PTPRD: variants seen among roughly 807,000 people sequenced by gnomAD.
PTPRD encodes the protein receptor-type tyrosine-protein phosphatase delta.
A neutral mutation model predicts 214.5 loss-of-function variants in PTPRD; 34 were observed. The ratio of observed to expected loss-of-function variants is 0.16; its 90% CI spans 0.12 to 0.21. The LOEUF (loss-of-function observed/expected upper bound fraction) is 0.21. Ranked by LOEUF, PTPRD falls within the 10% of genes least tolerant of loss-of-function variation. The pLI, the probability that PTPRD is intolerant of heterozygous loss-of-function variation, is 1.00. For missense variants in PTPRD, 2,545 were observed against 2,398.7 expected, an observed-to-expected ratio of 1.06 and a Z score of -1.27; for synonymous variants, 1,128 against 845.7, an observed-to-expected ratio of 1.33 and a Z score of -5.79.
At chr9:8,993,990 G>A (rs1242360657) in intron 11 of PTPRD, among the ~76,000 whole-genome samples, 1 of 152,070 alleles carries the variant, frequency 6.6e-6, no homozygotes, top group African/African-American at 2.4e-5. Flanking sequence ...CAATAATTTT[G>A]TGAACAAGCA....
At chr9:8,734,226 T>G (rs2098692621) in intron 11 of PTPRD, among the ~76,000 whole-genome samples, 1 of 152,234 alleles carries the variant, frequency 6.6e-6, no homozygotes, top group African/African-American at 2.4e-5. Flanking sequence ...TTTCATTCTT[T>G]GCTTATGCCA....
At chr9:8,940,858 T>C (rs55740744) in intron 11 of PTPRD, among the ~76,000 whole-genome samples, 58 of 151,608 alleles carry the variant, frequency 3.8e-4, no homozygotes, top group African/African-American at 5.3e-4. Flanking sequence ...ATGATGATGA[T>C]GTTCACAAGG....
At chr9:8,622,569 G>T (rs935496474) in intron 14 of PTPRD, among the ~76,000 whole-genome samples, 1 of 151,898 alleles carries the variant, frequency 6.6e-6, no homozygotes, top group African/African-American at 2.4e-5. Context: ...TCCCATCAGA[G>T]ATTGTAGCTT....
At chr9:8,588,998 A>C (rs1394703382) in intron 14 of PTPRD, among the ~76,000 whole-genome samples, 1 of 152,208 alleles carries the variant, frequency 6.6e-6, no homozygotes, top group Non-Finnish European at 1.5e-5. Context: ...TAAAATATAA[A>C]TAATGTGAAA....
intron 43 of PTPRD, among the ~76,000 whole-genome samples, chr9:8,337,435 C>T (rs1848045801): frequency 6.6e-6 from 1 of 151,346 alleles, no homozygotes; most frequent in South Asian, 2.1e-4. Context: ...GAACATCACA[C>T]ACTGGGGCCT....
At chr9:10,308,475 T>A (rs1357092384) in intron 3 of PTPRD, among the ~76,000 whole-genome samples, 2 of 152,134 alleles carry the variant, frequency 1.3e-5, no homozygotes, top group Non-Finnish European at 2.9e-5. Context: ...CTTTGTAGTA[T>A]ATTTTGAAGT....
At position 10,403,227 on chromosome 9, in the gene PTPRD, AATATATAT is replaced by A. The variant is rs58712564; in HGVS notation, c.-599-62218_-599-62211del. On this transcript the variant is annotated intron_variant, in intron 2 of 45. Coordinates refer to ENST00000381196, the MANE Select transcript of PTPRD (RefSeq NM_002839.4). ...TTTCTGTTATTTGTGTGTGTGTGTA[AATATATAT>A]ATATATATATATATATATATATATG... 2.5e-3 allele frequency among the ~76,000 whole-genome samples: 149 copies of A among 59,878 alleles called. 3 individuals carry two copies. The highest frequency in any genetic ancestry group is 0.019 in the South Asian group (40 of 2,118). 39.3% of individuals were successfully genotyped at this position (59,878 alleles called of 152,430 possible).
intron 2 of PTPRD, among the ~76,000 whole-genome samples, chr9:10,551,287 T>A (rs1164336049): frequency 6.6e-6 from 1 of 152,172 alleles, no homozygotes; most frequent in Non-Finnish European, 1.5e-5. Flanking sequence ...TACAGTGAGC[T>A]ATGATTATGC....
intron 3 of PTPRD, among the ~76,000 whole-genome samples, chr9:10,082,330 G>A (rs998121475): frequency 3.3e-5 from 5 of 152,054 alleles, no homozygotes; most frequent in African/African-American, 1.2e-4. Flanking sequence ...CTGTGACTTG[G>A]GGATGTCCCA....
chr9:8,482,730 T>C (rs1244554512), intron 30 of PTPRD, among the ~76,000 whole-genome samples: 1 of 152,222 alleles, frequency 6.6e-6, no homozygotes, highest in Non-Finnish European at 1.5e-5. Context: ...GGTATACCCT[T>C]GGCTCTTGTA....
chr9:8,492,876 G>A lies in PTPRD; in HGVS notation c.2453C>T (p.Ser818Phe). The A allele has an allele frequency of 6.2e-7, 1 of 1,613,376 alleles. No individual in the cohort carries two copies. The highest frequency in any genetic ancestry group is 8.5e-7 in the Non-Finnish European group (1 of 1,179,416). The change falls in exon 27 of 46, where the codon TCC becomes TTC. Residue 818 changes from serine (S) to phenylalanine (F), a missense_variant. Ser to Phe is a radical substitution (Grantham distance 155, BLOSUM62 -2). Coordinates refer to ENST00000381196, the MANE Select transcript of PTPRD (RefSeq NM_002839.4). Reference protein sequence around the residue: ...DGARSKPKLVSTTGAVPGKPR... With the variant: ...DGARSKPKLVFTTGAVPGKPR... ...GACATGATTACCTGCCCCAGTGGTG[G>A]ACACCAGTTTGGGCTTGCTGCGAGC...
At chr9:8,502,410 C>CTGGG (rs2097429824) in intron 23 of PTPRD, among the ~76,000 whole-genome samples, 1 of 151,926 alleles carries the variant, frequency 6.6e-6, no homozygotes, top group African/African-American at 2.4e-5. Flanking sequence ...CAGGTGTATC[C>CTGGG]AATTGTTCAG....
intron 14 of PTPRD, among the ~76,000 whole-genome samples, chr9:8,604,091 C>G (rs551090613): frequency 6.6e-6 from 1 of 152,276 alleles, no homozygotes; most frequent in African/African-American, 2.4e-5. Context: ...AATGAATTAA[C>G]ATTCATTGAC....
At chr9:9,019,360 G>GAAAGAAAGAAAGAA (rs879330252) in intron 10 of PTPRD, among the ~76,000 whole-genome samples, 36 of 149,720 alleles carry the variant, frequency 2.4e-4, no homozygotes, top group African/African-American at 8.8e-4. Context: ...AAGAAAGAAA[G>GAAAGAAAGAAAGAA]AATCTGAATT....
rs192790429 is a variant in PTPRD, at chr9:9,291,409, C to T, written c.-203+106040G>A. Among the ~76,000 whole-genome samples the T allele has an allele frequency of 5.2e-3, 789 of 151,476 alleles. 4 individuals are homozygous for T. The highest frequency in any genetic ancestry group is 0.014 in the South Asian group (69 of 4,824). ...ATGTCCTTGAAGAAGATGCCCCCAA[C>T]GGAGGTGCAAATAACTTTGTTCCTT... On this transcript the variant is annotated intron_variant, in intron 9 of 45. Transcript: ENST00000381196.
intron 9 of PTPRD, among the ~76,000 whole-genome samples, chr9:9,387,293 G>C (rs748308783): frequency 2.0e-5 from 3 of 152,162 alleles, no homozygotes; most frequent in Admixed American, 1.3e-4. Flanking sequence ...GATTTGTTGA[G>C]AGAATTTCTA....
chr9:9,532,060 A>C (rs1350385251), intron 8 of PTPRD, among the ~76,000 whole-genome samples: 1 of 152,126 alleles, frequency 6.6e-6, no homozygotes, highest in East Asian at 1.9e-4. Flanking sequence ...AAATGGTAAA[A>C]ATATGAGCAT....
chr9:9,399,943 T>C (rs2069550388), intron 8 of PTPRD, among the ~76,000 whole-genome samples: 2 of 152,032 alleles, frequency 1.3e-5, no homozygotes, highest in South Asian at 2.1e-4. Flanking sequence ...CTAATACATG[T>C]TCTAAATAGA....
chr9:8,628,671 T>G (rs7046119), intron 14 of PTPRD, among the ~76,000 whole-genome samples: 25,736 of 151,024 alleles, frequency 0.17, 2,972 homozygotes, highest in African/African-American at 0.33. Context: ...TGCTTAAGAA[T>G]CCAGTTATTT....
Sources: gnomAD v4.1 joint callset for allele counts (sites outside exome capture counted in the v4.1 genomes callset) on GRCh38, gnomAD v4.1.1 for gene constraint, MANE v1.5 for transcripts, NCBI Gene and HGNC (gene_info 2026-07-23, HGNC 2026-07-21) for gene names.